Variants in SLC26A7 observed in about 807,000 individuals in gnomAD.
SLC26A7 encodes the protein solute carrier family 26 member 7, also known as anion exchange transporter.
Under a neutral mutation model 82.5 loss-of-function variants are expected in SLC26A7, and 59 were observed. The ratio of observed to expected loss-of-function variants is 0.72; its 90% CI spans 0.58 to 0.89. The LOEUF is 0.89. Among genes scored for constraint, SLC26A7 ranks in the 40% least tolerant of loss-of-function variants. SLC26A7 has a pLI of 0.00. For synonymous variants in SLC26A7, 271 were observed against 274.3 expected (o/e 0.99, Z 0.12); for missense variants, 820 against 793.0 (o/e 1.03, Z -0.41).
chr8:91,367,619 G>A (rs1814234231), intron 14 of SLC26A7, among the ~76,000 whole-genome samples: 2 of 152,118 alleles, frequency 1.3e-5, no homozygotes, highest in African/African-American at 2.4e-5. Context: ...ACTTTGACTT[G>A]TTGAATCTTT....
intron 9 of SLC26A7, 131 bp from the exon 10 acceptor site, chr8:91,351,679 C>CAGTT (rs1813719300): frequency 1.6e-6 from 1 of 643,978 alleles, no homozygotes. Context: ...AGCAATTTAA[C>CAGTT]AGTTATGTGT....
rs1265174113 is a variant in SLC26A7, at chr8:91,366,659, T to C, written c.1568T>C (p.Leu523Ser). Reference sequence around the variant, plus strand: ...AATGCAAAAAAATTTTATACTGATTTAATGAACATGATCCAAAAGGAAAAT... The same window carrying C: ...AATGCAAAAAAATTTTATACTGATTCAATGAACATGATCCAAAAGGAAAAT... ...FLNAKKFYTD[L>S]MNMIQKENAC... Residue 523 changes from leucine to serine, a missense_variant, in exon 14 of 19, where the codon TTA becomes TCA. By Grantham distance (145) the Leu-to-Ser change is moderately radical. Transcript: ENST00000276609. 8 of 1,613,560 alleles carry C rather than the reference T, an allele frequency of 5.0e-6. No homozygotes were observed. The East Asian group carries it at 1.6e-4, about 32-fold the overall frequency.
Position 91,262,106 on chromosome 8 carries a change from G to C in SLC26A7, c.193+12262G>C, listed in dbSNP as rs915783542. On this transcript the variant is annotated intron_variant, in intron 2 of 18. Transcript: ENST00000276609. ...AGACAGAAGAGGTCTGAGAATTTCT[G>C]CTCTACAGCTTGAGCTGAGGTTGTG... 3.3e-5 allele frequency among the ~76,000 whole-genome samples: 5 copies of C among 152,056 alleles called. No individual in the cohort carries two copies. In the East Asian group the frequency reaches 9.7e-4, roughly 29 times the overall value.
rs147600968 is a variant in SLC26A7, at chr8:91,310,422, C to A, written c.478-7794C>A. ...TCCTCTGTTGTGTCCCACTGATGGG[C>A]AGTTTATGGGTCCCCTGTAGAAGGG... On this transcript the variant is annotated intron_variant, in intron 4 of 18. Coordinates refer to ENST00000276609, the MANE Select transcript of SLC26A7 (RefSeq NM_052832.4). Among the ~76,000 whole-genome samples the A allele has an allele frequency of 1.5e-3, 227 of 152,184 alleles. 1 individual carries two copies. Among genetic ancestry groups the A allele is most frequent in the Non-Finnish European group, 2.3e-3 (157 of 68,002 alleles).
intron 4 of SLC26A7, among the ~76,000 whole-genome samples, chr8:91,309,406 TTGTC>T (rs1812413330): frequency 6.6e-6 from 1 of 151,776 alleles, no homozygotes; most frequent in Admixed American, 6.6e-5. Flanking sequence ...CTGGCCTTGT[TTGTC>T]TGAAACCTCC....
chr8:91,295,648 A>G lies in SLC26A7; in HGVS notation c.422A>G (p.Glu141Gly). The G allele has an allele frequency of 1.9e-6, 3 of 1,614,092 alleles. No individual in the cohort carries two copies. The highest frequency in any genetic ancestry group is 2.5e-6 in the Non-Finnish European group (3 of 1,179,972). The change falls in exon 4 of 19, where the codon GAA (glutamate) becomes GGA (glycine). Residue 141 changes from glutamate to glycine, a missense_variant. Glu to Gly is a moderately conservative substitution (Grantham distance 98). Transcript: ENST00000276609. ...NTSVLGLSDFEMQRIHVAAAV... is the reference protein window; with the variant it reads ...NTSVLGLSDFGMQRIHVAAAV... ...AGCGTGCTGGGCTTATCCGACTTTG[A>G]AATGCAAAGGATCCACGTTGCTGCA...
At chr8:91,386,167 A>G (rs1814794528) in intron 15 of SLC26A7, among the ~76,000 whole-genome samples, 1 of 152,182 alleles carries the variant, frequency 6.6e-6, no homozygotes, top group African/African-American at 2.4e-5. Context: ...TTTATGGAGC[A>G]TCTTCCAGGA....
chr8:91,363,049 T>A (rs1451963298), intron 12 of SLC26A7, among the ~76,000 whole-genome samples: 1 of 152,112 alleles, frequency 6.6e-6, no homozygotes, highest in Non-Finnish European at 1.5e-5. Context: ...TGAAATAATG[T>A]ATTCTAAAAA....
At chr8:91,340,257 T>A in intron 7 of SLC26A7, 147 bp from the exon 8 acceptor site, 3 of 949,954 alleles carry the variant, frequency 3.2e-6, no homozygotes, top group Non-Finnish European at 4.7e-6. Context: ...ACGAAGGGCT[T>A]CTAAGGGCAA....
chr8:91,387,408 G>A (rs1464771714), intron 15 of SLC26A7, among the ~76,000 whole-genome samples: 3 of 152,134 alleles, frequency 2.0e-5, no homozygotes, highest in South Asian at 2.1e-4. Context: ...ATTTCAGGCC[G>A]AAGGAAACAT....
At chr8:91,373,641 A>C (rs1428371945) in intron 15 of SLC26A7, among the ~76,000 whole-genome samples, 1 of 151,718 alleles carries the variant, frequency 6.6e-6, no homozygotes, top group African/African-American at 2.4e-5. Context: ...TTTTGTTGAA[A>C]ATTTTTGTGT....
intron 5 of SLC26A7, among the ~76,000 whole-genome samples, chr8:91,320,880 C>T (rs1238210036): frequency 6.6e-6 from 1 of 152,306 alleles, no homozygotes. Flanking sequence ...GCCCATGTTA[C>T]TGATATTCTT....
chr8:91,349,174 A>G (rs1176626806), intron 9 of SLC26A7, among the ~76,000 whole-genome samples: 1 of 152,190 alleles, frequency 6.6e-6, no homozygotes, highest in African/African-American at 2.4e-5. Flanking sequence ...GTCTGATTAG[A>G]TGAACTTATC....
intron 2 of SLC26A7, among the ~76,000 whole-genome samples, chr8:91,234,799 A>C (rs397891798): frequency 0.043 from 4,873 of 113,208 alleles, 101 homozygotes; most frequent in Middle Eastern, 0.059. Context: ...CTCCCTACCT[A>C]CCTACCTACC....
intron 2 of SLC26A7, among the ~76,000 whole-genome samples, chr8:91,276,894 C>G (rs1586352715): frequency 6.6e-6 from 1 of 152,280 alleles, no homozygotes; most frequent in Non-Finnish European, 1.5e-5. Flanking sequence ...TCTTCCTAAC[C>G]TGGGGGTCTC....
chr8:91,210,999 A>G (rs901616812), intron 1 of SLC26A7, among the ~76,000 whole-genome samples: 41 of 152,166 alleles, frequency 2.7e-4, no homozygotes, highest in Non-Finnish European at 4.7e-4. Flanking sequence ...TGAAATGTTA[A>G]GAAAAGAGAG....
chr8:91,261,997 C>T (rs959712080), intron 2 of SLC26A7, among the ~76,000 whole-genome samples: 4 of 152,036 alleles, frequency 2.6e-5, no homozygotes, highest in Admixed American at 1.3e-4. Context: ...TGGACGTGAA[C>T]TCCTCCTACC....
chr8:91,274,598 G>C (rs1404491516), intron 2 of SLC26A7, among the ~76,000 whole-genome samples: 1 of 152,222 alleles, frequency 6.6e-6, no homozygotes, highest in Non-Finnish European at 1.5e-5. Context: ...CAAGAGTGGA[G>C]CCCTCATAAC....
chr8:91,297,293 T>C (rs1432115971), intron 4 of SLC26A7, among the ~76,000 whole-genome samples: 1 of 151,990 alleles, frequency 6.6e-6, no homozygotes, highest in Non-Finnish European at 1.5e-5. Flanking sequence ...CTTAGTCTCA[T>C]TTTAACCATC....
Sources: gnomAD v4.1 joint callset for allele counts (sites outside exome capture counted in the v4.1 genomes callset) on GRCh38, gnomAD v4.1.1 for gene constraint, MANE v1.5 for transcripts, NCBI Gene and HGNC (gene_info 2026-07-23, HGNC 2026-07-21) for gene names.